GLS: variants seen among roughly 807,000 people sequenced by gnomAD.
GLS encodes glutaminase, also known as glutaminase kidney isoform, mitochondrial.
Under a neutral mutation model 86.7 loss-of-function variants are expected in GLS, and 36 were observed. That is an observed-to-expected ratio of 0.42 (90% confidence interval 0.32 to 0.55). GLS has a LOEUF of 0.55. Ranked by LOEUF, GLS falls within the 20% of genes least tolerant of loss-of-function variation. The pLI is 0.17. For missense variants in GLS, 528 were observed against 833.4 expected (o/e 0.63, Z 4.51); for synonymous variants, 317 against 305.9 (o/e 1.04, Z -0.38).
intron 14 of GLS, among the ~76,000 whole-genome samples, chr2:190,936,805 A>G (rs1690282511): frequency 6.6e-6 from 1 of 151,270 alleles, no homozygotes; most frequent in Admixed American, 6.6e-5. Context: ...GAACAGTTTT[A>G]TTTAGTTACT....
chr2:190,930,466 T>A lies in GLS; in HGVS notation c.1455T>A (p.Ala485=). The A allele has an allele frequency of 6.2e-7, 1 of 1,611,146 alleles. No homozygotes were observed. Among genetic ancestry groups the A allele is most frequent in the Non-Finnish European group, 8.5e-7 (1 of 1,177,366 alleles). ...HVGLPAKSGV[A]GGILLVVPNV... ...GTCTTCCTGCAAAATCTGGAGTTGC[T>A]GGGGGCATTCTTTTAGTTGTCCCCA... The change falls in exon 13 of 18, where the codon GCT becomes GCA. Residue 485 remains alanine (A), a synonymous_variant. Coordinates refer to ENST00000320717, the MANE Select transcript of GLS (RefSeq NM_014905.5). The surrounding 1 kb of genome is among the most constrained non-coding windows in gnomAD (Gnocchi z 5.0).
chr2:190,908,524 C>T (rs1431960657), intron 6 of GLS, among the ~76,000 whole-genome samples: 1 of 152,208 alleles, frequency 6.6e-6, no homozygotes, highest in Admixed American at 6.5e-5. Context: ...GTCAGTATAA[C>T]ACGCTCTGAT....
intron 1 of GLS, 173 bp downstream of exon 1, chr2:190,881,643 C>T (rs1688192039): frequency 1.7e-6 from 1 of 578,782 alleles, no homozygotes; most frequent in South Asian, 2.5e-5. Context: ...GCCCCGCCCG[C>T]GCCTTCCCCG....
Sources: allele counts gnomAD v4.1 joint callset (sites outside exome capture counted in the v4.1 genomes callset), GRCh38; gene constraint gnomAD v4.1.1; non-coding constraint Gnocchi (gnomAD v3.1); transcripts MANE v1.5; gene names NCBI Gene and HGNC (gene_info 2026-07-23, HGNC 2026-07-21).